Variants in CACNA2D4 observed in about 807,000 individuals in gnomAD.
CACNA2D4 encodes the protein voltage-dependent calcium channel subunit alpha-2/delta-4.
In CACNA2D4, 157 loss-of-function variants were observed where a neutral mutation model predicts 163.8. The observed-to-expected ratio is 0.96, with a 90% CI of 0.84 to 1.09. The LOEUF (loss-of-function observed/expected upper bound fraction) is 1.09, where lower values mean the gene tolerates loss of function less well. Ranked by LOEUF, CACNA2D4 falls within the 50% of genes least tolerant of loss-of-function variation. The pLI, the probability that CACNA2D4 is intolerant of heterozygous loss-of-function variation, is 0.00. For missense variants in CACNA2D4, 1,410 were observed against 1,479.9 expected (o/e 0.95, Z 0.78); for synonymous variants, 598 against 586.9 (o/e 1.02, Z -0.27).
intron 6 of CACNA2D4, among the ~76,000 whole-genome samples, chr12:1,906,336 TAA>T (rs769967320): frequency 6.6e-6 from 1 of 152,102 alleles, no homozygotes; most frequent in East Asian, 1.9e-4. Context: ...AGAAAAAATT[TAA>T]AAGTTTGTTC....
chr12:1,801,604 G>C lies in CACNA2D4; in HGVS notation c.2762C>G (p.Thr921Ser), dbSNP rs749464580. Residue 921 changes from threonine to serine, a missense_variant, in exon 30 of 38, where the codon ACC becomes AGC. Coordinates refer to ENST00000382722, the MANE Select transcript of CACNA2D4 (RefSeq NM_172364.5). ...GAACACCCCCATGCTGAGCAGCTGG[G>C]TCAGGACAGCACCATCCACCTCCCC... The part of the protein sequence containing the change: ...FLGEVDGAVL[T>S]QLLSMGVFSQ... 2.6e-5 allele frequency: 42 copies of C among 1,592,076 alleles called. No individual in the cohort carries two copies. Among genetic ancestry groups the C allele is most frequent in the Non-Finnish European group, 3.4e-5 (40 of 1,169,326 alleles).
intron 20 of CACNA2D4, among the ~76,000 whole-genome samples, chr12:1,857,950 G>A (rs1239370200): frequency 6.6e-6 from 1 of 152,178 alleles, no homozygotes; most frequent in Non-Finnish European, 1.5e-5. Context: ...AGGCAGCTGA[G>A]GGGAGAAGGC....
chr12:1,827,087 G>A (rs533723968), intron 26 of CACNA2D4, among the ~76,000 whole-genome samples: 4 of 152,328 alleles, frequency 2.6e-5, no homozygotes, highest in African/African-American at 4.8e-5. Context: ...CAGGGAGCCC[G>A]TGGAGGGCGA....
rs181178558 is a variant in CACNA2D4 at position 1,793,045 on chromosome 12, G to C, written c.*610C>G. The C allele has an allele frequency of 6.5e-6, 1 of 152,846 alleles. No individual in the cohort carries two copies. Among genetic ancestry groups the C allele is most frequent in the Non-Finnish European group, 1.5e-5 (1 of 68,396 alleles). The allele number at this position is 152,846 out of a possible 1,614,324, so 9.5% of individuals were successfully genotyped here. On this transcript the variant is annotated 3_prime_UTR_variant, in exon 38 of 38. Coordinates refer to ENST00000382722, the MANE Select transcript of CACNA2D4 (RefSeq NM_172364.5). ...CTGAATGGATTTCATTCCTTTCTCA[G>C]TCTTGACCATTCCCTTACCCAACCC...
intron 26 of CACNA2D4, among the ~76,000 whole-genome samples, chr12:1,830,647 G>A (rs1864580115): frequency 6.6e-6 from 1 of 152,200 alleles, no homozygotes; most frequent in Admixed American, 6.5e-5. Context: ...TTGTCTCTGG[G>A]CTCTGGCTGA....
rs531533799 is a variant in CACNA2D4, at chr12:1,895,808, T to C, written c.782-8739A>G. On this transcript the variant is annotated intron_variant, in intron 6 of 37. Coordinates refer to ENST00000382722, the MANE Select transcript of CACNA2D4 (RefSeq NM_172364.5). ...CACCACATGGCACATGGTTACATTTTAAAATTTTTTGTAGAGATAGGGGTC... is the reference window on the plus strand; with the variant it reads ...CACCACATGGCACATGGTTACATTTCAAAATTTTTTGTAGAGATAGGGGTC... Among the ~76,000 whole-genome samples the C allele has an allele frequency of 5.3e-5, 8 of 152,024 alleles. No individual in the cohort carries two copies. The East Asian group carries it at 1.5e-3, about 29-fold the overall frequency.
chr12:1,799,934 T>A lies in CACNA2D4; in HGVS notation c.2974+66A>T. ...CTGTCACCCACCCCACAGGGAATGG[T>A]CTCACGTTAGTGGACCAAAATGCCA... is the stretch of plus-strand genomic sequence containing the variant. On this transcript the variant is annotated intron_variant, in intron 33 of 37. Coordinates refer to ENST00000382722, the MANE Select transcript of CACNA2D4 (RefSeq NM_172364.5). This position sits in a 1 kb window ranked among gnomAD's most constrained non-coding sequence, Gnocchi z 4.7. 1 of 1,519,090 alleles carries A rather than the reference T, an allele frequency of 6.6e-7. No homozygotes were observed. The highest frequency in any genetic ancestry group is 9.0e-7 in the Non-Finnish European group (1 of 1,114,612). 94.1% of individuals were successfully genotyped at this position (1,519,090 alleles called of 1,614,324 possible). A position where few individuals can be genotyped will look rare whatever the true frequency, so the allele number is the denominator to read the frequency against.
intron 18 of CACNA2D4, among the ~76,000 whole-genome samples, chr12:1,872,712 C>T (rs1010775614): frequency 1.6e-4 from 25 of 152,234 alleles, no homozygotes; most frequent in Non-Finnish European, 3.2e-4. Flanking sequence ...GAGAGCCAGA[C>T]ACTGCCTCGG....
rs1863352745 is a variant in CACNA2D4, at chr12:1,802,024, TG to T, written c.2722-381del. ...GGATTTGTTTTATATGCTGTGTGTGTGTGTGTGTGTGTGTGTGTGTGTGTGT... is the reference window on the plus strand; with the variant it reads ...GGATTTGTTTTATATGCTGTGTGTGTTGTGTGTGTGTGTGTGTGTGTGTGT... On this transcript the variant is annotated intron_variant, in intron 29 of 37. Coordinates refer to ENST00000382722, the MANE Select transcript of CACNA2D4 (RefSeq NM_172364.5). This position sits in a 1 kb window ranked among gnomAD's most constrained non-coding sequence, Gnocchi z 4.7. 6.8e-5 allele frequency among the ~76,000 whole-genome samples: 5 copies of T among 73,172 alleles called. No homozygotes were observed. The highest frequency in any genetic ancestry group is 1.6e-4 in the Admixed American group (1 of 6,160). The allele number at this position is 73,172 out of a possible 152,430, so 48.0% of individuals were successfully genotyped here. A position where few individuals can be genotyped will look rare whatever the true frequency, so the allele number is the denominator to read the frequency against.
intron 6 of CACNA2D4, among the ~76,000 whole-genome samples, chr12:1,888,039 A>C (rs1037652512): frequency 4.6e-5 from 7 of 152,158 alleles, no homozygotes; most frequent in African/African-American, 1.7e-4. Flanking sequence ...CATATGTGTG[A>C]GGTCAGCTAG....
At chr12:1,865,159 G>A (rs1865618078) in intron 18 of CACNA2D4, among the ~76,000 whole-genome samples, 2 of 152,226 alleles carry the variant, frequency 1.3e-5, no homozygotes, top group African/African-American at 4.8e-5. Context: ...TCTCGGCGCC[G>A]TGGCGGGGAA....
At chr12:1,912,430 A>C (rs574375910) in intron 3 of CACNA2D4, among the ~76,000 whole-genome samples, 1 of 152,322 alleles carries the variant, frequency 6.6e-6, no homozygotes, top group African/African-American at 2.4e-5. Context: ...GGCTTGGTGG[A>C]TGTCCAGTAA....
In CACNA2D4 at chr12:1,886,012, G is replaced by A. The variant is rs759444523; in HGVS notation, c.1021C>T (p.Pro341Ser). Residue 341 changes from proline to serine, a missense_variant, in exon 9 of 38, where the codon CCT (proline) becomes TCT (serine). Transcript: ENST00000382722. The part of the protein sequence containing the change: ...AYNDYVHYIE[P>S]CFKGILVQAD... The stretch of plus-strand genomic sequence containing the variant: ...TGGACGAGGATCCCTTTAAAACAAG[G>A]CTCGATGTAATGGACGTAGTCATTG... 1.9e-6 allele frequency: 3 copies of A among 1,613,732 alleles called. No individual in the cohort carries two copies. The Admixed American group carries it at 5.0e-5, about 27-fold the overall frequency.
At position 1,848,361 on chromosome 12, in the gene CACNA2D4, T is replaced by C. The variant is rs116771970; in HGVS notation, c.2247-1672A>G. ...GCGGATTGCCACCCTGGGGTGCTCTTCAGCCTGCTCTGTGTCCCCTGCATT... is the reference window on the plus strand; with the variant it reads ...GCGGATTGCCACCCTGGGGTGCTCTCCAGCCTGCTCTGTGTCCCCTGCATT... On this transcript the variant is annotated intron_variant, in intron 23 of 37. Coordinates refer to ENST00000382722, the MANE Select transcript of CACNA2D4 (RefSeq NM_172364.5). Among the ~76,000 whole-genome samples the C allele has an allele frequency of 3.4e-3, 523 of 152,340 alleles. 1 individual carries two copies. The highest frequency in any genetic ancestry group is 0.012 in the African/African-American group (496 of 41,586).
chr12:1,866,639 G>A (rs1865657292), intron 18 of CACNA2D4, among the ~76,000 whole-genome samples: 1 of 151,814 alleles, frequency 6.6e-6, no homozygotes, highest in African/African-American at 2.4e-5. Context: ...GTTTGTTTTG[G>A]AGACATAGTC....
At chr12:1,818,181 G>A (rs368103843) in intron 26 of CACNA2D4, among the ~76,000 whole-genome samples, 12 of 148,554 alleles carry the variant, frequency 8.1e-5, no homozygotes, top group Admixed American at 2.0e-4. Flanking sequence ...CAGCCGCCCC[G>A]TCTGAGAAGT....
chr12:1,910,441 C>T (rs1866784795), intron 3 of CACNA2D4, among the ~76,000 whole-genome samples: 1 of 137,580 alleles, frequency 7.3e-6, no homozygotes, highest in Non-Finnish European at 1.5e-5. Flanking sequence ...CCCAATCTAC[C>T]ATGGATGCAG....
chr12:1,916,374 A>T (rs1211513218), intron 1 of CACNA2D4, among the ~76,000 whole-genome samples: 1 of 152,004 alleles, frequency 6.6e-6, no homozygotes, highest in Non-Finnish European at 1.5e-5. Flanking sequence ...TGAATTTAAA[A>T]CCTCACATGA....
At chr12:1,856,910 G>T (rs1865413285) in intron 20 of CACNA2D4, among the ~76,000 whole-genome samples, 1 of 152,178 alleles carries the variant, frequency 6.6e-6, no homozygotes, top group Admixed American at 6.5e-5. Flanking sequence ...CCTCACAAGG[G>T]CTGCTGCTCT....
Sources: allele counts gnomAD v4.1 joint callset (sites outside exome capture counted in the v4.1 genomes callset), GRCh38; gene constraint gnomAD v4.1.1; non-coding constraint Gnocchi (gnomAD v3.1); transcripts MANE v1.5; gene names NCBI Gene and HGNC (gene_info 2026-07-23, HGNC 2026-07-21).